Variants in RIMOC1 observed in about 807,000 individuals in gnomAD.
The protein encoded by RIMOC1 is RAB7A-interacting MON1-CCZ1 complex subunit 1.
chr5:41,909,663 A>G, the RIMOC1 span: 3 of 928,406 alleles, frequency 3.2e-6, no homozygotes, highest in South Asian at 4.5e-5. Flanking sequence ...TAAAGCACCT[A>G]TGTGTGCAAG....
chr5:41,906,351 C>A, the RIMOC1 span, among the ~76,000 whole-genome samples: 1 of 152,284 alleles, frequency 6.6e-6, no homozygotes, highest in Non-Finnish European at 1.5e-5. Context: ...CAAAATACTG[C>A]ATTTTATGGG....
At chr5:41,904,472 G>A in the RIMOC1 span, 1 of 1,613,452 alleles carries the variant, frequency 6.2e-7, no homozygotes, top group Non-Finnish European at 8.5e-7. Flanking sequence ...AAGATGGTGA[G>A]GGAGCGGAGG....
At chr5:41,911,027 G>A in the RIMOC1 span, 2 of 1,598,634 alleles carry the variant, frequency 1.3e-6, no homozygotes, top group Non-Finnish European at 1.7e-6. Flanking sequence ...TTTTAGCTAT[G>A]TCTTTTTTTG....
chr5:41,916,570 C>G, the RIMOC1 span: 1 of 605,006 alleles, frequency 1.7e-6, no homozygotes, highest in Admixed American at 6.3e-5. Context: ...GGATACTTGA[C>G]TTTAGCTATA....
At chr5:41,918,109 T>C in the RIMOC1 span, 6 of 985,794 alleles carry the variant, frequency 6.1e-6, no homozygotes, top group Non-Finnish European at 7.2e-6. Context: ...TAACTTGATA[T>C]CTTGCTCATG....
the RIMOC1 span, chr5:41,920,637 C>T: frequency 3.9e-5 from 6 of 152,050 alleles, no homozygotes; most frequent in Admixed American, 1.3e-4. Flanking sequence ...GGTGGGATGC[C>T]ATCATATTTA....
At chr5:41,907,754 C>T in the RIMOC1 span, 1 of 1,605,412 alleles carries the variant, frequency 6.2e-7, no homozygotes, top group South Asian at 1.1e-5. Flanking sequence ...TTAATTCGGG[C>T]CTCTGCAGCA....
chr5:41,904,541 C>A, the RIMOC1 span: 1 of 1,405,588 alleles, frequency 7.1e-7, no homozygotes. Flanking sequence ...GCTGTGAGGG[C>A]TAGAGGCTGA....
the RIMOC1 span, chr5:41,909,709 G>A: frequency 9.8e-6 from 14 of 1,421,526 alleles, no homozygotes; most frequent in African/African-American, 1.8e-4. Context: ...TCAATTTTAA[G>A]TCATTGATAG....
At chr5:41,920,059 T>C in the RIMOC1 span, 1 of 152,146 alleles carries the variant, frequency 6.6e-6, no homozygotes, top group Non-Finnish European at 1.5e-5. Context: ...ACAAGGCATA[T>C]AGGGATATAT....
At chr5:41,910,692 G>C in the RIMOC1 span, among the ~76,000 whole-genome samples, 1 of 151,674 alleles carries the variant, frequency 6.6e-6, no homozygotes, top group African/African-American at 2.4e-5. Flanking sequence ...TTATTCCAGC[G>C]GTAGTAGAAA....
the RIMOC1 span, chr5:41,904,590 C>T: frequency 4.6e-6 from 4 of 868,462 alleles, no homozygotes; most frequent in Non-Finnish European, 7.2e-6. Flanking sequence ...CAGGTGGTTA[C>T]CCGAGGTCTG....
chr5:41,916,090 C>T, the RIMOC1 span, among the ~76,000 whole-genome samples: 1 of 152,192 alleles, frequency 6.6e-6, no homozygotes, highest in Admixed American at 6.5e-5. Context: ...CTTTTCTAAT[C>T]ACAGAAGCAC....
the RIMOC1 span, chr5:41,917,574 A>AG: frequency 9.4e-7 from 1 of 1,061,738 alleles, no homozygotes; most frequent in African/African-American, 1.8e-5. Context: ...AACCCAATTT[A>AG]GCTTTACAAA....
the RIMOC1 span, chr5:41,909,711 CA>C: frequency 7.0e-7 from 1 of 1,426,692 alleles, no homozygotes; most frequent in Non-Finnish European, 9.4e-7. Context: ...AATTTTAAGT[CA>C]TTGATAGATA....
At chr5:41,908,772 A>T in the RIMOC1 span, among the ~76,000 whole-genome samples, 1 of 152,120 alleles carries the variant, frequency 6.6e-6, no homozygotes, top group East Asian at 1.9e-4. Flanking sequence ...AACTTACTGG[A>T]ATAAGGCAAA....
chr5:41,905,121 G>A, the RIMOC1 span, among the ~76,000 whole-genome samples: 1 of 152,102 alleles, frequency 6.6e-6, no homozygotes, highest in African/African-American at 2.4e-5. Flanking sequence ...CTGCCTTTAG[G>A]TTCTACATTA....
the RIMOC1 span, chr5:41,911,201 A>G: frequency 6.3e-7 from 1 of 1,583,318 alleles, no homozygotes; most frequent in Non-Finnish European, 8.5e-7. Context: ...TTCCTTACAC[A>G]TTTTTCATTG....
chr5:41,912,258 C>A, the RIMOC1 span: 1 of 836,436 alleles, frequency 1.2e-6, no homozygotes. Flanking sequence ...TTAGATTTCA[C>A]TCTGATTTAA....
Sources: gnomAD v4.1 joint callset for allele counts (sites outside exome capture counted in the v4.1 genomes callset) on GRCh38, gnomAD v4.1.1 for gene constraint, MANE v1.5 for transcripts, NCBI Gene and HGNC (gene_info 2026-07-23, HGNC 2026-07-21) for gene names.